Variants in MTRF1 observed in about 807,000 individuals in gnomAD.
MTRF1 encodes the protein mitochondrial translation release factor 1, also known as peptide chain release factor 1, mitochondrial.
A neutral mutation model predicts 62.9 loss-of-function variants in MTRF1; 51 were observed. The observed-to-expected ratio is 0.81, with a 90% CI of 0.65 to 1.02. The LOEUF (loss-of-function observed/expected upper bound fraction) is 1.02, where lower values mean the gene tolerates loss of function less well. Among genes scored for constraint, MTRF1 ranks in the 50% least tolerant of loss-of-function variants. The probability of loss-of-function intolerance (pLI) is 0.00; values close to 1 mark genes in which losing one functional copy is unlikely to be tolerated. For synonymous variants in MTRF1, 158 were observed against 181.9 expected, an observed-to-expected ratio of 0.87 and a Z score of 1.06; for missense variants, 446 against 530.0, an observed-to-expected ratio of 0.84 and a Z score of 1.56.
chr13:41,311,368 C>T, the MTRF1 span: 1 of 651,580 alleles, frequency 1.5e-6, no homozygotes, highest in Admixed American at 2.8e-5. Context: ...CCACCCGTGC[C>T]GAACAGCCAG....
At chr13:41,273,388 T>C in the MTRF1 span, among the ~76,000 whole-genome samples, 6 of 151,774 alleles carry the variant, frequency 4.0e-5, no homozygotes, top group East Asian at 1.2e-3. Flanking sequence ...TACCAAAATG[T>C]GAACCCCAAA....
intron 9 of MTRF1, among the ~76,000 whole-genome samples, chr13:41,221,882 G>A (rs1027216696): frequency 2.0e-5 from 3 of 152,206 alleles, no homozygotes; most frequent in East Asian, 1.9e-4. Flanking sequence ...GGCCAAACAC[G>A]TTTCGTTAAT....
At chr13:41,289,009 C>T in the MTRF1 span, among the ~76,000 whole-genome samples, 2 of 152,080 alleles carry the variant, frequency 1.3e-5, no homozygotes, top group Non-Finnish European at 2.9e-5. Context: ...GACCCTCTTA[C>T]AACTACACAA....
At chr13:41,283,741 C>T in the MTRF1 span, among the ~76,000 whole-genome samples, 1 of 151,376 alleles carries the variant, frequency 6.6e-6, no homozygotes, top group East Asian at 1.9e-4. Flanking sequence ...AGGCGCCCGC[C>T]ACTACGCCCG....
At position 41,236,586 on chromosome 13, in the gene MTRF1, C is replaced by T. The variant is rs928857571; in HGVS notation, c.871-2579G>A. On this transcript the variant is annotated intron_variant, in intron 6 of 9. Coordinates refer to ENST00000379480, the MANE Select transcript of MTRF1 (RefSeq NM_004294.4). Reference sequence around the variant, plus strand: ...AGCTGATTGTTCTTTTGTATGTTTCCTCTCAAATGACTGCAACACAGTGAA... The same window carrying T: ...AGCTGATTGTTCTTTTGTATGTTTCTTCTCAAATGACTGCAACACAGTGAA... 3.9e-5 allele frequency: 6 copies of T among 152,270 alleles called. No individual in the cohort carries two copies. The East Asian group carries it at 1.2e-3, about 29-fold the overall frequency. The allele number at this position is 152,270 out of a possible 1,614,324, so 9.4% of individuals were successfully genotyped here.
intron 7 of MTRF1, among the ~76,000 whole-genome samples, chr13:41,227,509 T>G (rs1329952702): frequency 6.6e-6 from 1 of 152,140 alleles, no homozygotes; most frequent in African/African-American, 2.4e-5. Context: ...TTGGGTGGGT[T>G]TGGCCCACTG....
At position 41,250,138 on chromosome 13, in the gene MTRF1, G is replaced by A. The variant is rs1054103209; in HGVS notation, c.697+2507C>T. On this transcript the variant is annotated intron_variant, in intron 5 of 9. Transcript: ENST00000379480. The stretch of plus-strand genomic sequence containing the variant: ...CCTTTTATTCTTGAAAGTCTCATTC[G>A]AAATACACCTATCAGAGTTCACTCA... Among the ~76,000 whole-genome samples the A allele has an allele frequency of 3.9e-5, 6 of 152,094 alleles. No homozygotes were observed. In the South Asian group the frequency reaches 6.2e-4, roughly 16 times the overall value.
At chr13:41,258,186 C>T (rs1003863810) in intron 2 of MTRF1, among the ~76,000 whole-genome samples, 2 of 152,200 alleles carry the variant, frequency 1.3e-5, no homozygotes, top group East Asian at 1.9e-4. Flanking sequence ...GTGGTACCAT[C>T]AATAGAAGGC....
Position 41,260,548 on chromosome 13 carries a change from G to T in MTRF1, c.360C>A (p.Tyr120Ter), listed in dbSNP as rs2040334195. The change falls in exon 2 of 10, where the codon TAC (tyrosine) becomes TAA (stop). Residue 120 changes from tyrosine (Y) to a stop codon, truncating the protein, a stop_gained. Transcript: ENST00000379480. LOFTEE classifies it high-confidence loss of function. ...HAELAPLAAIYQEIQETEQAI... is the reference protein window; with the variant it reads ...HAELAPLAAI ...CTTGTTCAGTCTCCTGAATTTCTTG[G>T]TAAATGGCTGCAAGAGGTGCCAACT... 1 of 1,613,784 alleles carries T rather than the reference G, an allele frequency of 6.2e-7. No individual in the cohort carries two copies. Among genetic ancestry groups the T allele is most frequent in the African/African-American group, 1.3e-5 (1 of 74,834 alleles).
At chr13:41,248,503 C>T (rs2038588934) in intron 5 of MTRF1, among the ~76,000 whole-genome samples, 1 of 152,188 alleles carries the variant, frequency 6.6e-6, no homozygotes, top group Non-Finnish European at 1.5e-5. Flanking sequence ...CACCAGTTGG[C>T]CCCTGCCACC....
chr13:41,265,378 A>G (rs7983614), upstream of MTRF1, among the ~76,000 whole-genome samples: 107,991 of 151,488 alleles, frequency 0.71, 38,765 homozygotes, highest in African/African-American at 0.73. Flanking sequence ...CCAAGATTGC[A>G]CCATTGCACT....
intron 9 of MTRF1, among the ~76,000 whole-genome samples, chr13:41,222,342 A>G (rs1287451818): frequency 1.3e-5 from 2 of 152,188 alleles, no homozygotes; most frequent in Non-Finnish European, 2.9e-5. Flanking sequence ...AACAATCTTG[A>G]CCGAGTCTTT....
At chr13:41,226,163 A>C (rs1395014628) in intron 8 of MTRF1, among the ~76,000 whole-genome samples, 1 of 152,228 alleles carries the variant, frequency 6.6e-6, no homozygotes, top group Non-Finnish European at 1.5e-5. Context: ...TTTCTTCTTA[A>C]GACAGTAATG....
intron 6 of MTRF1, among the ~76,000 whole-genome samples, chr13:41,239,852 T>C (rs928656187): frequency 1.3e-5 from 2 of 152,116 alleles, no homozygotes; most frequent in African/African-American, 2.4e-5. Flanking sequence ...TAAAGTCCAA[T>C]CTGTAGCCAT....
chr13:41,261,014 T>C lies in MTRF1; in HGVS notation c.-8-99A>G. ...CATCAAGAAATCTTGTTTCATCTAC[T>C]GCCTCAGCCAGCTCCACAGTCTTAA... On this transcript the variant is annotated intron_variant, in intron 1 of 9. Coordinates refer to ENST00000379480, the MANE Select transcript of MTRF1 (RefSeq NM_004294.4). 2.7e-6 allele frequency: 3 copies of C among 1,121,820 alleles called. No individual in the cohort carries two copies. In the South Asian group the frequency reaches 5.0e-5, roughly 19 times the overall value. 69.5% of individuals were successfully genotyped at this position (1,121,820 alleles called of 1,614,324 possible).
At chr13:41,286,842 T>C in the MTRF1 span, among the ~76,000 whole-genome samples, 1 of 152,360 alleles carries the variant, frequency 6.6e-6, no homozygotes, top group Admixed American at 6.5e-5. Context: ...ACTCATTTCA[T>C]TATGATATAC....
chr13:41,293,166 G>T, the MTRF1 span, among the ~76,000 whole-genome samples: 13 of 152,050 alleles, frequency 8.5e-5, no homozygotes, highest in Admixed American at 3.3e-4. Context: ...GTGTGTGTGT[G>T]TGTGTGTTTA....
the MTRF1 span, among the ~76,000 whole-genome samples, chr13:41,281,085 G>C: frequency 6.6e-6 from 1 of 152,194 alleles, no homozygotes; most frequent in Non-Finnish European, 1.5e-5. Context: ...AGACCAACCA[G>C]AGTAACAGGA....
chr13:41,305,578 CAG>C, the MTRF1 span, among the ~76,000 whole-genome samples: 2 of 152,212 alleles, frequency 1.3e-5, no homozygotes, highest in African/African-American at 4.8e-5. Context: ...GTCCTTTAAC[CAG>C]AGAGGAGAGA....
Sources: allele counts gnomAD v4.1 joint callset (sites outside exome capture counted in the v4.1 genomes callset), GRCh38; gene constraint gnomAD v4.1.1; transcripts MANE v1.5; gene names NCBI Gene and HGNC (gene_info 2026-07-23, HGNC 2026-07-21).